PTPRG: variants seen among roughly 807,000 people sequenced by gnomAD.
PTPRG encodes receptor-type tyrosine-protein phosphatase gamma.
A neutral mutation model predicts 165.3 loss-of-function variants in PTPRG; 102 were observed. The observed-to-expected ratio is 0.62, with a 90% CI of 0.53 to 0.73. PTPRG has a LOEUF of 0.73. Ranked by LOEUF, PTPRG falls within the 30% of genes least tolerant of loss-of-function variation. The probability of loss-of-function intolerance (pLI) is 0.00; values close to 1 mark genes in which losing one functional copy is unlikely to be tolerated. For missense variants in PTPRG, 1,866 were observed against 1,861.4 expected (o/e 1.00, Z -0.05); for synonymous variants, 675 against 669.5 (o/e 1.01, Z -0.13).
intron 1 of PTPRG, among the ~76,000 whole-genome samples, chr3:61,590,805 A>T (rs189744160): frequency 1.2e-4 from 18 of 152,268 alleles, no homozygotes; most frequent in African/African-American, 3.4e-4. Context: ...GTTACAGTAT[A>T]GTATTCTATT....
At chr3:62,037,072 A>T (rs537301469) in intron 4 of PTPRG, among the ~76,000 whole-genome samples, 3 of 152,138 alleles carry the variant, frequency 2.0e-5, no homozygotes, top group African/African-American at 2.4e-5. Context: ...CTTTGCTTGC[A>T]TTATCTAATC....
At chr3:61,940,172 C>T (rs71296747) in intron 2 of PTPRG, among the ~76,000 whole-genome samples, 2,368 of 151,992 alleles carry the variant, frequency 0.016, 37 homozygotes, top group Non-Finnish European at 0.026. Flanking sequence ...GTCTCGAATT[C>T]CTGACGTCAG....
intron 2 of PTPRG, among the ~76,000 whole-genome samples, chr3:61,986,290 A>G (rs2040761130): frequency 1.3e-5 from 2 of 152,192 alleles, no homozygotes; most frequent in South Asian, 4.1e-4. Context: ...AAGTTGTACA[A>G]GATACAGAAG....
At chr3:62,097,807 A>G (rs1408838593) in intron 5 of PTPRG, among the ~76,000 whole-genome samples, 6 of 152,244 alleles carry the variant, frequency 3.9e-5, no homozygotes, top group African/African-American at 1.2e-4. Context: ...TAGTGGGGCA[A>G]CAAGCATGGC....
intron 1 of PTPRG, among the ~76,000 whole-genome samples, chr3:61,663,104 C>T (rs570409954): frequency 5.3e-5 from 8 of 152,116 alleles, no homozygotes; most frequent in Admixed American, 2.0e-4. Context: ...GGCAACATGG[C>T]GAAACTGTCT....
At chr3:61,961,861 G>C (rs1396199361) in intron 2 of PTPRG, among the ~76,000 whole-genome samples, 5 of 152,160 alleles carry the variant, frequency 3.3e-5, no homozygotes, top group Non-Finnish European at 7.4e-5. Context: ...GTGTGCCACT[G>C]TCTTTATCAG....
chr3:61,988,820 C>T (rs780706639), intron 2 of PTPRG, among the ~76,000 whole-genome samples: 5 of 152,092 alleles, frequency 3.3e-5, no homozygotes, highest in Non-Finnish European at 5.9e-5. Flanking sequence ...GAAACTGCTC[C>T]CATAATATTT....
chr3:61,705,908 C>G (rs2031226110), intron 1 of PTPRG, among the ~76,000 whole-genome samples: 1 of 152,126 alleles, frequency 6.6e-6, no homozygotes, highest in South Asian at 2.1e-4. Flanking sequence ...AAGATTGTAG[C>G]AATACACAAG....
chr3:62,132,443 A>G (rs1703549910), intron 5 of PTPRG, among the ~76,000 whole-genome samples, 159 bp from the exon 6 acceptor site: 1 of 152,230 alleles, frequency 6.6e-6, no homozygotes. Flanking sequence ...TTATGATGTC[A>G]TAAATCTCCT....
chr3:61,811,896 A>G (rs1366461731), intron 2 of PTPRG, among the ~76,000 whole-genome samples: 1 of 152,190 alleles, frequency 6.6e-6, no homozygotes, highest in Admixed American at 6.5e-5. Flanking sequence ...TAGGTTACAA[A>G]TCAGATCTAA....
At chr3:61,625,080 C>T (rs1018845076) in intron 1 of PTPRG, among the ~76,000 whole-genome samples, 1 of 151,914 alleles carries the variant, frequency 6.6e-6, no homozygotes, top group South Asian at 2.1e-4. Flanking sequence ...CATATTTTCT[C>T]TCTTTTCAAG....
chr3:61,668,348 CAT>C (rs1377032514), intron 1 of PTPRG, among the ~76,000 whole-genome samples: 43 of 152,278 alleles, frequency 2.8e-4, no homozygotes, highest in South Asian at 4.1e-4. Flanking sequence ...AACAGATAAA[CAT>C]GTGAAAAATG....
At chr3:61,752,888 C>T (rs746166277) in intron 2 of PTPRG, among the ~76,000 whole-genome samples, 1 of 150,850 alleles carries the variant, frequency 6.6e-6, no homozygotes, top group Admixed American at 6.6e-5. Flanking sequence ...TATAACTTTT[C>T]ACTTCTCATT....
intron 3 of PTPRG, 120 bp downstream of exon 3, chr3:61,989,924 ATCAGTCCTTAGTT>A (rs1349805955): frequency 3.8e-6 from 4 of 1,058,634 alleles, no homozygotes; most frequent in Non-Finnish European, 5.4e-6. Flanking sequence ...GGGAGCCTAA[ATCAGTCCTTAGTT>A]TCAGAACAAG....
At chr3:61,690,330 T>C (rs1035494824) in intron 1 of PTPRG, among the ~76,000 whole-genome samples, 56 of 152,302 alleles carry the variant, frequency 3.7e-4, no homozygotes, top group African/African-American at 1.3e-3. Context: ...CAGCATCAGA[T>C]CCCTTTCTGG....
At position 61,713,153 on chromosome 3, in the gene PTPRG, A is replaced by T. The variant is rs116567126; in HGVS notation, c.86-35725A>T. ...TCAGGGTTTTGACAGATTATCTGAA[A>T]CATCAAATATGTTTTTTTTTTTTTT... On this transcript the variant is annotated intron_variant, in intron 1 of 29. Coordinates refer to ENST00000474889, the MANE Select transcript of PTPRG (RefSeq NM_002841.4). 3.9e-3 allele frequency among the ~76,000 whole-genome samples: 595 copies of T among 150,908 alleles called. 6 individuals carry two copies. Among genetic ancestry groups the T allele is most frequent in the African/African-American group, 0.014 (566 of 41,124 alleles).
intron 2 of PTPRG, among the ~76,000 whole-genome samples, chr3:61,972,054 T>G (rs2107660758): frequency 6.6e-6 from 1 of 152,308 alleles, no homozygotes; most frequent in Non-Finnish European, 1.5e-5. Context: ...TACTGTATAT[T>G]AGAAGGTGTG....
intron 6 of PTPRG, among the ~76,000 whole-genome samples, chr3:62,138,733 A>G (rs1015073656): frequency 9.3e-5 from 14 of 151,304 alleles, no homozygotes; most frequent in Admixed American, 1.3e-4. Flanking sequence ...AAAAAAAAAA[A>G]AAAGAAAGAC....
intron 2 of PTPRG, among the ~76,000 whole-genome samples, chr3:61,965,358 C>T (rs537882122): frequency 5.9e-5 from 9 of 151,286 alleles, no homozygotes; most frequent in African/African-American, 1.9e-4. Flanking sequence ...CGTGCTAGTG[C>T]ACGCCTGTAA....
Sources: gnomAD v4.1 joint callset for allele counts (sites outside exome capture counted in the v4.1 genomes callset) on GRCh38, gnomAD v4.1.1 for gene constraint, MANE v1.5 for transcripts, NCBI Gene and HGNC (gene_info 2026-07-23, HGNC 2026-07-21) for gene names.